NIPBL: variants seen among roughly 807,000 people sequenced by gnomAD.
NIPBL encodes NIPBL cohesin loading factor.
NIPBL carries 19 observed loss-of-function variants against 321.8 expected under a neutral mutation model. The observed-to-expected ratio is 0.06, with a 90% confidence interval of 0.04 to 0.09. The LOEUF (loss-of-function observed/expected upper bound fraction) is 0.09. Ranked by LOEUF, NIPBL falls within the 10% of genes least tolerant of loss-of-function variation. NIPBL has a pLI of 1.00. For synonymous variants in NIPBL, 1,106 were observed against 1,114.1 expected, an observed-to-expected ratio of 0.99 and a Z score of 0.14; for missense variants, 2,210 against 3,327.0, an observed-to-expected ratio of 0.66 and a Z score of 8.26.
At chr5:36,976,973 A>G (rs926916210) in intron 9 of NIPBL, among the ~76,000 whole-genome samples, 1 of 152,018 alleles carries the variant, frequency 6.6e-6, no homozygotes, top group Non-Finnish European at 1.5e-5. Flanking sequence ...ATTACAGTGA[A>G]GTGTTCCCTT....
chr5:36,909,461 C>G (rs1354153256), intron 1 of NIPBL, among the ~76,000 whole-genome samples: 1 of 152,028 alleles, frequency 6.6e-6, no homozygotes, highest in South Asian at 2.1e-4. Flanking sequence ...TAATTTTGCA[C>G]TACTGTTTGA....
At chr5:36,939,846 A>G (rs1738869018) in intron 1 of NIPBL, among the ~76,000 whole-genome samples, 2 of 152,180 alleles carry the variant, frequency 1.3e-5, no homozygotes, top group South Asian at 2.1e-4. Context: ...ACATTAATCC[A>G]TTTATGAGGG....
chr5:37,051,728 T>G, intron 40 of NIPBL, 51 bp from the exon 41 acceptor site: 1 of 1,287,204 alleles, frequency 7.8e-7, no homozygotes, highest in Non-Finnish European at 1.1e-6. Context: ...TATGTCTAAA[T>G]AGAGAATTTT....
intron 32 of NIPBL, among the ~76,000 whole-genome samples, chr5:37,033,723 T>C (rs1751357720): frequency 1.1e-5 from 1 of 94,534 alleles, no homozygotes. Flanking sequence ...TATATATATA[T>C]ATATATATTT....
At chr5:36,952,049 TGTGTGCGCGCGC>T (rs945012430) in intron 1 of NIPBL, among the ~76,000 whole-genome samples, 1 of 113,788 alleles carries the variant, frequency 8.8e-6, no homozygotes, top group Non-Finnish European at 2.0e-5. Flanking sequence ...TGTGTGTGTG[TGTGTGCGCGCGC>T]GCGCGCGCGC....
chr5:36,905,966 G>T (rs868246777), intron 1 of NIPBL, among the ~76,000 whole-genome samples: 1 of 151,948 alleles, frequency 6.6e-6, no homozygotes, highest in Non-Finnish European at 1.5e-5. Flanking sequence ...GGATGGTCTC[G>T]ATCTCCTGAC....
intron 33 of NIPBL, among the ~76,000 whole-genome samples, chr5:37,038,277 A>G (rs903640166): frequency 3.3e-5 from 5 of 152,194 alleles, no homozygotes; most frequent in Non-Finnish European, 5.9e-5. Context: ...GGTGTGAGCC[A>G]TCACACACAG....
chr5:36,929,768 A>G (rs1244157827), intron 1 of NIPBL, among the ~76,000 whole-genome samples: 7 of 152,082 alleles, frequency 4.6e-5, no homozygotes, highest in Non-Finnish European at 7.4e-5. Flanking sequence ...GTATAAGTTA[A>G]TGGTCTGTTT....
At chr5:36,960,988 G>T (rs952268267) in intron 4 of NIPBL, among the ~76,000 whole-genome samples, 2 of 152,058 alleles carry the variant, frequency 1.3e-5, no homozygotes, top group Non-Finnish European at 2.9e-5. Flanking sequence ...GAAATTGCAG[G>T]AATTCAAACT....
At chr5:37,047,925 A>G (rs1753147918) in intron 38 of NIPBL, among the ~76,000 whole-genome samples, 1 of 152,228 alleles carries the variant, frequency 6.6e-6, no homozygotes, top group Admixed American at 6.5e-5. Context: ...TGCCATATGA[A>G]AAAGAAATGG....
chr5:36,972,484 T>C (rs1742968216), intron 8 of NIPBL, among the ~76,000 whole-genome samples: 1 of 152,138 alleles, frequency 6.6e-6, no homozygotes, highest in Non-Finnish European at 1.5e-5. Context: ...AGATTTCTAT[T>C]ATTAGACCTT....
chr5:36,930,527 G>A (rs1749699534), intron 1 of NIPBL, among the ~76,000 whole-genome samples: 1 of 151,884 alleles, frequency 6.6e-6, no homozygotes, highest in African/African-American at 2.4e-5. Context: ...TAATCTGAAT[G>A]CATTTAATAT....
chr5:36,961,289 T>C (rs1287639439), intron 4 of NIPBL, among the ~76,000 whole-genome samples, 195 bp from the exon 5 acceptor site: 1 of 152,158 alleles, frequency 6.6e-6, no homozygotes, highest in East Asian at 1.9e-4. Flanking sequence ...CTGGATTAGT[T>C]TTATGGAAAA....
chr5:37,011,265 T>G (rs934852420), intron 21 of NIPBL, among the ~76,000 whole-genome samples: 2 of 152,172 alleles, frequency 1.3e-5, no homozygotes, highest in Non-Finnish European at 2.9e-5. Context: ...GTAATAATTA[T>G]TAATAACTGG....
At chr5:36,994,843 G>A (rs561744607) in intron 10 of NIPBL, among the ~76,000 whole-genome samples, 1 of 150,052 alleles carries the variant, frequency 6.7e-6, no homozygotes, top group Non-Finnish European at 1.5e-5. Flanking sequence ...GTAGTATAAT[G>A]GCTCTTATTG....
chr5:36,930,750 G>T (rs1269093643), intron 1 of NIPBL, among the ~76,000 whole-genome samples: 1 of 152,012 alleles, frequency 6.6e-6, no homozygotes, highest in African/African-American at 2.4e-5. Context: ...AAAAAATAGT[G>T]GTTGTTGGAT....
intron 1 of NIPBL, among the ~76,000 whole-genome samples, chr5:36,914,819 TG>T (rs1232083258): frequency 5.9e-5 from 9 of 152,212 alleles, no homozygotes; most frequent in Admixed American, 2.0e-4. Context: ...AAACTGATTT[TG>T]AGAGTTTAGT....
At position 36,912,478 on chromosome 5, in the gene NIPBL, G is replaced by A. The variant is rs901670829; in HGVS notation, c.-80+35300G>A. ...TTCAGAGTAAGAGTGGCTAGAGTTTGTCCTAGAGAACATGTATTACTGATT... is the reference window on the plus strand; with the variant it reads ...TTCAGAGTAAGAGTGGCTAGAGTTTATCCTAGAGAACATGTATTACTGATT... On this transcript the variant is annotated intron_variant, in intron 1 of 46. Transcript: ENST00000282516. 2.6e-5 allele frequency among the ~76,000 whole-genome samples: 4 copies of A among 151,452 alleles called. No homozygotes were observed. In the South Asian group the frequency reaches 6.3e-4, roughly 24 times the overall value.
chr5:36,961,458 G>GTT (rs1561082353), intron 4 of NIPBL, 26 bp from the exon 5 acceptor site: 1 of 1,291,918 alleles, frequency 7.7e-7, no homozygotes, highest in Non-Finnish European at 1.1e-6. Flanking sequence ...AGAAAATAAC[G>GTT]TTCTGTATTT....
Sources: allele counts gnomAD v4.1 joint callset (sites outside exome capture counted in the v4.1 genomes callset), GRCh38; gene constraint gnomAD v4.1.1; transcripts MANE v1.5; gene names NCBI Gene and HGNC (gene_info 2026-07-23, HGNC 2026-07-21).